The following HSPA12A variants were observed in gnomAD, a reference collection of about 807,000 sequenced individuals.
The protein encoded by HSPA12A is heat shock 70 kDa protein 12A.
HSPA12A carries 28 observed loss-of-function variants against 69.2 expected under a neutral mutation model. The observed-to-expected ratio is 0.40, with a 90% CI of 0.30 to 0.55. HSPA12A has a LOEUF of 0.55. HSPA12A is among the 20% of genes least tolerant of loss of function. The probability of loss-of-function intolerance (pLI) is 0.38; values close to 1 mark genes in which losing one functional copy is unlikely to be tolerated. For missense variants in HSPA12A, 686 were observed against 900.7 expected (o/e 0.76, Z 3.05); for synonymous variants, 345 against 370.5 (o/e 0.93, Z 0.79).
chr10:116,719,162 T>C (rs1850698569), intron 1 of HSPA12A, among the ~76,000 whole-genome samples: 1 of 152,190 alleles, frequency 6.6e-6, no homozygotes, highest in Non-Finnish European at 1.5e-5. Context: ...TCCCTCCTGA[T>C]AACTTGGGGT....
At chr10:116,794,480 T>C (rs556629248) in intron 2 of HSPA12A, among the ~76,000 whole-genome samples, 2 of 152,264 alleles carry the variant, frequency 1.3e-5, no homozygotes, top group Admixed American at 6.5e-5. Context: ...GATCACATTC[T>C]TTGATCACAA....
chr10:116,704,858 G>A (rs1850192549), intron 3 of HSPA12A, among the ~76,000 whole-genome samples: 4 of 152,142 alleles, frequency 2.6e-5, no homozygotes, highest in African/African-American at 9.7e-5. Flanking sequence ...CTACAGATCT[G>A]CGCCTCTCAC....
At chr10:116,807,948 CA>C (rs1293789067) in intron 2 of HSPA12A, among the ~76,000 whole-genome samples, 1 of 152,222 alleles carries the variant, frequency 6.6e-6, no homozygotes, top group African/African-American at 2.4e-5. Flanking sequence ...GAGGATCAGT[CA>C]GCACTGCTGG....
At chr10:116,715,645 G>C (rs1405290095) in intron 1 of HSPA12A, among the ~76,000 whole-genome samples, 1 of 152,184 alleles carries the variant, frequency 6.6e-6, no homozygotes, top group Non-Finnish European at 1.5e-5. Flanking sequence ...CTCTGCTTTT[G>C]TATGTTTAAA....
At position 116,683,852 on chromosome 10, in the gene HSPA12A, G is replaced by T; in HGVS notation, c.774C>A (p.Ser258Arg). 6.3e-7 allele frequency: 1 copy of T among 1,597,978 alleles called. No individual in the cohort carries two copies. Among genetic ancestry groups the T allele is most frequent in the Non-Finnish European group, 8.6e-7 (1 of 1,167,466 alleles). Reference sequence around the variant, plus strand: ...TGTACCCATTGACGGCTGCCTTGCTGCTCAGCTCAATCATCTGGTGTAGCC... The same window carrying T: ...TGTACCCATTGACGGCTGCCTTGCTTCTCAGCTCAATCATCTGGTGTAGCC... ...KLRLHQMIEL[S>R]SKAAVNGYSG... is the part of the protein sequence containing the mutation. The change falls in exon 7 of 12, where the codon AGC becomes AGA. Residue 258 changes from serine to arginine, a missense_variant. Physicochemically the swap from Ser to Arg is moderately radical, Grantham distance 110. Transcript: ENST00000369209.
chr10:116,780,242 C>T (rs1844434567), intron 2 of HSPA12A, among the ~76,000 whole-genome samples: 1 of 152,178 alleles, frequency 6.6e-6, no homozygotes, highest in Non-Finnish European at 1.5e-5. Context: ...GAGGGCTCTC[C>T]CTTGAGTCCA....
chr10:116,822,505 G>A (rs376802020), intron 2 of HSPA12A, among the ~76,000 whole-genome samples: 10 of 152,178 alleles, frequency 6.6e-5, no homozygotes, highest in East Asian at 5.8e-4. Flanking sequence ...TTAAGAGACC[G>A]GTAGAAATGA....
chr10:116,684,220 G>T (rs1554879192), intron 6 of HSPA12A, among the ~76,000 whole-genome samples: 1 of 152,140 alleles, frequency 6.6e-6, no homozygotes, highest in East Asian at 1.9e-4. Context: ...TCTGGCTGTG[G>T]GGCCTCTTGC....
intron 1 of HSPA12A, chr10:116,849,471 G>A: frequency 2.8e-6 from 4 of 1,420,384 alleles, no homozygotes; most frequent in Non-Finnish European, 3.7e-6. Context: ...AGCCACGCGA[G>A]ATCTGGGGGT....
chr10:116,759,436 A>G (rs1317858894), intron 2 of HSPA12A, among the ~76,000 whole-genome samples: 1 of 152,234 alleles, frequency 6.6e-6, no homozygotes, highest in African/African-American at 2.4e-5. Flanking sequence ...CTCACTTCTT[A>G]TTGGACAGAA....
intron 1 of HSPA12A, among the ~76,000 whole-genome samples, chr10:116,717,926 C>T (rs1850657335): frequency 6.6e-6 from 1 of 152,132 alleles, no homozygotes; most frequent in African/African-American, 2.4e-5. Flanking sequence ...GACCCTCTGG[C>T]CCCAGTTTGC....
intron 2 of HSPA12A, among the ~76,000 whole-genome samples, chr10:116,796,498 A>C (rs1316480171): frequency 6.6e-6 from 1 of 151,998 alleles, no homozygotes; most frequent in Non-Finnish European, 1.5e-5. Flanking sequence ...TCCCTGCCCC[A>C]GGCCTGCTCC....
At position 116,707,402 on chromosome 10, in the gene HSPA12A, C is replaced by A. The variant is rs1331917054; in HGVS notation, c.41-117G>T. 6.4e-6 allele frequency: 5 copies of A among 786,514 alleles called. No individual in the cohort carries two copies. The Admixed American group carries it at 1.1e-4, about 17-fold the overall frequency. 48.7% of individuals were successfully genotyped at this position (786,514 alleles called of 1,614,324 possible). A position where few individuals can be genotyped will look rare whatever the true frequency, so the allele number is the denominator to read the frequency against. On this transcript the variant is annotated intron_variant, in intron 1 of 11. Coordinates refer to ENST00000369209, the MANE Select transcript of HSPA12A (RefSeq NM_025015.3). ...AACTGCGGCCTCTGCAAAGCCAGCT[C>A]ACGAAATGGGCAAGGCCCAGCCCCA... is the stretch of plus-strand genomic sequence containing the variant.
At chr10:116,789,320 T>TGATATATA (rs1844650886) in intron 2 of HSPA12A, among the ~76,000 whole-genome samples, 2 of 152,244 alleles carry the variant, frequency 1.3e-5, no homozygotes, top group East Asian at 3.9e-4. Context: ...ATATATGTAT[T>TGATATATA]GATATATAGA....
At chr10:116,818,860 T>G (rs2133194487) in intron 2 of HSPA12A, among the ~76,000 whole-genome samples, 1 of 152,210 alleles carries the variant, frequency 6.6e-6, no homozygotes, top group East Asian at 1.9e-4. Context: ...GGTGAGAGAT[T>G]TACCCCCAAC....
At chr10:116,771,933 G>A (rs1365329487) in intron 2 of HSPA12A, among the ~76,000 whole-genome samples, 1 of 152,210 alleles carries the variant, frequency 6.6e-6, no homozygotes, top group Non-Finnish European at 1.5e-5. Context: ...TGCTCCAGCA[G>A]CTGTGCTGTC....
At position 116,698,836 on chromosome 10, in the gene HSPA12A, G is replaced by A; in HGVS notation, c.442-97C>T. 3 of 918,652 alleles carry A rather than the reference G, an allele frequency of 3.3e-6. No individual in the cohort carries two copies. In the South Asian group the frequency reaches 4.3e-5, roughly 13 times the overall value. 56.9% of individuals were successfully genotyped at this position (918,652 alleles called of 1,614,324 possible). ...CTCCAAGGGGACCTAGAGGATCCTG[G>A]TGAGCCATGTCTGTGTTCCCCCATG... is the stretch of plus-strand genomic sequence containing the variant. On this transcript the variant is annotated intron_variant, in intron 4 of 11. Transcript: ENST00000369209.
At chr10:116,817,556 T>A (rs1845329207) in intron 2 of HSPA12A, among the ~76,000 whole-genome samples, 1 of 152,102 alleles carries the variant, frequency 6.6e-6, no homozygotes, top group Non-Finnish European at 1.5e-5. Flanking sequence ...TATTCATACC[T>A]ACACATAATG....
intron 1 of HSPA12A, among the ~76,000 whole-genome samples, chr10:116,726,027 GCACACACACACA>G (rs71013613): frequency 6.8e-6 from 1 of 146,112 alleles, no homozygotes; most frequent in Non-Finnish European, 1.5e-5. Flanking sequence ...ACACACACAC[GCACACACACACA>G]CACACACACA....
Sources: gnomAD v4.1 joint callset for allele counts (sites outside exome capture counted in the v4.1 genomes callset) on GRCh38, gnomAD v4.1.1 for gene constraint, MANE v1.5 for transcripts, NCBI Gene and HGNC (gene_info 2026-07-23, HGNC 2026-07-21) for gene names.